The following ADGRF1 variants were observed in gnomAD, a reference collection of about 807,000 sequenced individuals.
ADGRF1 encodes the protein G protein-coupled receptor 110.
In ADGRF1, 85 loss-of-function variants were observed where a neutral mutation model predicts 87.2. The ratio of observed to expected loss-of-function variants is 0.97; its 90% CI spans 0.82 to 1.17. The LOEUF is 1.17. Ranked by LOEUF, ADGRF1 falls within the 50% of genes most tolerant of loss-of-function variation. The pLI is 0.00. For missense variants in ADGRF1, 1,169 were observed against 1,077.2 expected, an observed-to-expected ratio of 1.09 and a Z score of -1.19; for synonymous variants, 430 against 408.8, an observed-to-expected ratio of 1.05 and a Z score of -0.63.
intron 9 of ADGRF1, chr6:47,014,386 G>T: frequency 9.3e-7 from 1 of 1,071,364 alleles, no homozygotes; most frequent in South Asian, 3.9e-5. Flanking sequence ...CAGCTTAGTT[G>T]CTGCTCTACC....
At chr6:47,019,823 T>C in intron 7 of ADGRF1, 1 of 984,268 alleles carries the variant, frequency 1.0e-6, no homozygotes, top group Non-Finnish European at 1.2e-6. Context: ...TTATTAATAG[T>C]TGGTAATTAA....
intron 3 of ADGRF1, 63 bp downstream of exon 3, chr6:47,027,641 G>T (rs1780278759): frequency 4.6e-6 from 5 of 1,081,438 alleles, no homozygotes; most frequent in Non-Finnish European, 7.1e-6. Context: ...GCACCGCTGG[G>T]ATTAGAAACC....
At chr6:47,033,307 T>C (rs1462608310) in intron 1 of ADGRF1, among the ~76,000 whole-genome samples, 1 of 152,212 alleles carries the variant, frequency 6.6e-6, no homozygotes, top group Admixed American at 6.5e-5. Context: ...CATTAGAACG[T>C]GCTATTATGC....
chr6:47,024,228 A>G lies in ADGRF1; in HGVS notation c.278-11T>C, dbSNP rs762588445. On this transcript the variant is annotated splice_polypyrimidine_tract_variant and intron_variant, in intron 4 of 14. Coordinates refer to ENST00000371253, the MANE Select transcript of ADGRF1 (RefSeq NM_153840.4). ...TCAGGCTGTTGCAGTCTGCACAAGA[A>G]ATAGAACTCAGTCTCATGGATTCTG... 6.8e-6 allele frequency: 11 copies of G among 1,606,194 alleles called. No individual in the cohort carries two copies. Among genetic ancestry groups the G allele is most frequent in the Non-Finnish European group, 9.4e-6 (11 of 1,174,480 alleles).
At chr6:47,030,824 A>G (rs1325125081) in intron 1 of ADGRF1, among the ~76,000 whole-genome samples, 2 of 151,426 alleles carry the variant, frequency 1.3e-5, no homozygotes, top group African/African-American at 2.4e-5. Flanking sequence ...GTGCAGTGGC[A>G]TGATCTCGGC....
At chr6:47,040,603 A>G (rs1418059362) in intron 1 of ADGRF1, among the ~76,000 whole-genome samples, 1 of 152,186 alleles carries the variant, frequency 6.6e-6, no homozygotes, top group Non-Finnish European at 1.5e-5. Flanking sequence ...GAATTCAGTG[A>G]CACTTGTCCC....
chr6:47,022,741 T>A (rs2113895985), intron 5 of ADGRF1, among the ~76,000 whole-genome samples: 1 of 152,240 alleles, frequency 6.6e-6, no homozygotes, highest in Middle Eastern at 3.4e-3. Context: ...TCCAGTTTTG[T>A]ATCTTTCAAA....
In ADGRF1 at chr6:47,009,208, G is replaced by T. The variant is rs1779620319; in HGVS notation, c.2227C>A (p.Pro743Thr). The change falls in exon 11 of 15, where the codon CCA (proline) becomes ACA (threonine). Residue 743 changes from proline to threonine, a missense_variant. By Grantham distance (38) the Pro-to-Thr change is conservative. Coordinates refer to ENST00000371253, the MANE Select transcript of ADGRF1 (RefSeq NM_153840.4). ...CWLNWSNGSK[P>T]LLAFVVPALA... ...GCAGGGACAACAAAAGCCAGGAGTG[G>T]TTTGCTTCCATTGGACCAGTTAAGC... 7.4e-6 allele frequency: 12 copies of T among 1,614,054 alleles called. No individual in the cohort carries two copies. The highest frequency in any genetic ancestry group is 1.0e-5 in the Non-Finnish European group (12 of 1,180,052).
At chr6:47,026,145 T>C in intron 3 of ADGRF1, 142 bp from the exon 4 acceptor site, 1 of 653,000 alleles carries the variant, frequency 1.5e-6, no homozygotes, top group Non-Finnish European at 2.6e-6. Context: ...CATCCAAACA[T>C]GGACTAACAA....
chr6:47,019,163 G>T (rs1291266764), intron 7 of ADGRF1: 3 of 501,764 alleles, frequency 6.0e-6, no homozygotes, highest in African/African-American at 2.1e-5. Context: ...GATTATTGGA[G>T]ACAGCTTATA....
intron 13 of ADGRF1, among the ~76,000 whole-genome samples, chr6:47,003,706 C>A (rs1365663589): frequency 6.6e-6 from 1 of 152,180 alleles, no homozygotes; most frequent in African/African-American, 2.4e-5. Flanking sequence ...TCTTTCCAGA[C>A]TGAACCAAGA....
chr6:47,028,859 G>C (rs1780325351), intron 2 of ADGRF1, 134 bp downstream of exon 2: 2 of 717,480 alleles, frequency 2.8e-6, no homozygotes, highest in Admixed American at 2.1e-5. Context: ...GTTGAAACGA[G>C]AACTCAGGAC....
chr6:47,005,901 G>A, intron 12 of ADGRF1, 25 bp from the exon 13 acceptor site: 3 of 1,536,922 alleles, frequency 2.0e-6, no homozygotes, highest in Non-Finnish European at 2.7e-6. Flanking sequence ...AAGAAATATT[G>A]AGGAGATACA....
chr6:47,007,865 G>T (rs1007680261), intron 11 of ADGRF1, among the ~76,000 whole-genome samples: 1 of 152,140 alleles, frequency 6.6e-6, no homozygotes, highest in African/African-American at 2.4e-5. Context: ...CCCCAACAGG[G>T]GTGCCCTAAG....
intron 11 of ADGRF1, among the ~76,000 whole-genome samples, chr6:47,008,241 TG>T (rs1289135594): frequency 6.6e-6 from 1 of 152,186 alleles, no homozygotes; most frequent in Non-Finnish European, 1.5e-5. Context: ...AAACCTTCAC[TG>T]AACTGGGACT....
chr6:47,024,471 C>T (rs978961866), intron 4 of ADGRF1, among the ~76,000 whole-genome samples: 2 of 152,156 alleles, frequency 1.3e-5, no homozygotes, highest in African/African-American at 2.4e-5. Context: ...CGCACCATCA[C>T]CCTGGCTAGT....
At chr6:47,010,600 A>G (rs1410265602) in intron 10 of ADGRF1, among the ~76,000 whole-genome samples, 6 of 152,178 alleles carry the variant, frequency 3.9e-5, no homozygotes, top group Non-Finnish European at 8.8e-5. Context: ...GAATCCTGCA[A>G]TTTCAGCTGC....
intron 5 of ADGRF1, 116 bp downstream of exon 5, chr6:47,023,928 G>T: frequency 1.1e-6 from 1 of 890,392 alleles, no homozygotes; most frequent in South Asian, 1.8e-5. Context: ...TATCATCACT[G>T]TCCCTCAATC....
chr6:47,006,103 A>T (rs1457285938), intron 12 of ADGRF1, among the ~76,000 whole-genome samples: 2 of 152,218 alleles, frequency 1.3e-5, no homozygotes, highest in Non-Finnish European at 2.9e-5. Context: ...TACTCATTCC[A>T]ATTTTAGACA....
Sources: allele counts gnomAD v4.1 joint callset (sites outside exome capture counted in the v4.1 genomes callset), GRCh38; gene constraint gnomAD v4.1.1; transcripts MANE v1.5; gene names NCBI Gene and HGNC (gene_info 2026-07-23, HGNC 2026-07-21).